PRKCA: variants seen among roughly 807,000 people sequenced by gnomAD.
PRKCA encodes the protein protein kinase C alpha type.
A neutral mutation model predicts 87.0 loss-of-function variants in PRKCA; 27 were observed. The ratio of observed to expected loss-of-function variants is 0.31; its 90% CI spans 0.23 to 0.43. The LOEUF (loss-of-function observed/expected upper bound fraction) is 0.43. Among genes scored for constraint, PRKCA ranks in the 20% least tolerant of loss-of-function variants. PRKCA has a pLI of 1.00. For synonymous variants in PRKCA, 329 were observed against 311.1 expected, an observed-to-expected ratio of 1.06 and a Z score of -0.61; for missense variants, 518 against 852.3, an observed-to-expected ratio of 0.61 and a Z score of 4.88.
chr17:66,360,886 T>A (rs867722407), intron 2 of PRKCA, among the ~76,000 whole-genome samples: 1 of 152,142 alleles, frequency 6.6e-6, no homozygotes, highest in Middle Eastern at 3.2e-3. Context: ...GGGAATGAGT[T>A]TGGAGTCGTG....
intron 3 of PRKCA, among the ~76,000 whole-genome samples, chr17:66,566,011 C>T (rs571795248): frequency 1.3e-5 from 2 of 152,220 alleles, no homozygotes; most frequent in South Asian, 4.2e-4. Context: ...CACCTGCCAG[C>T]TGTTTGTGAG....
chr17:66,777,899 C>T (rs997429846), intron 14 of PRKCA: 2 of 985,388 alleles, frequency 2.0e-6, no homozygotes, highest in East Asian at 2.3e-4. Context: ...GGCTTCTCCC[C>T]TCTCCAAGCC....
intron 3 of PRKCA, among the ~76,000 whole-genome samples, chr17:66,537,276 T>C (rs1967822280): frequency 1.3e-5 from 2 of 152,250 alleles, no homozygotes; most frequent in African/African-American, 4.8e-5. Context: ...TGAGAATTAT[T>C]TGGGGCCACA....
chr17:66,503,339 C>T (rs184302239), intron 3 of PRKCA, among the ~76,000 whole-genome samples: 39 of 152,266 alleles, frequency 2.6e-4, no homozygotes, highest in Admixed American at 2.4e-3. Context: ...GGTTATTGCT[C>T]TATCTCACCT....
rs770473254 is a variant in PRKCA at position 66,687,238 on chromosome 17, A to G, written c.657A>G (p.Leu219=). ...KQKTKTIRST[L]NPQWNESFTF... is the part of the protein sequence containing the mutation. ...AAACCAAAACCATCCGCTCCACACT[A>G]AATCCGCAGTGGAATGAGTCCTTTA... Residue 219 remains leucine (L), a synonymous_variant, in exon 6 of 17, where the codon CTA becomes CTG. Coordinates refer to ENST00000413366, the MANE Select transcript of PRKCA (RefSeq NM_002737.3). 1 of 1,614,126 alleles carries G rather than the reference A, an allele frequency of 6.2e-7. No homozygotes were observed. The highest frequency in any genetic ancestry group is 1.1e-5 in the South Asian group (1 of 91,078).
At chr17:66,593,561 G>A (rs1159270979) in intron 3 of PRKCA, among the ~76,000 whole-genome samples, 1 of 152,212 alleles carries the variant, frequency 6.6e-6, no homozygotes, top group African/African-American at 2.4e-5. Flanking sequence ...CTTGGGGGTG[G>A]AGGGAGGAGG....
Position 66,302,763 on chromosome 17 carries a change from A to C in PRKCA, c.-89A>C, listed in dbSNP as rs1904571099. On this transcript the variant is annotated 5_prime_UTR_variant, in exon 1 of 17. Transcript: ENST00000413366. ...GCGCCCCGCGCCCGGGGTCGCCCCGAGCCCGCACCTCTCCCCCGCCGCCCC... is the reference window on the plus strand; with the variant it reads ...GCGCCCCGCGCCCGGGGTCGCCCCGCGCCCGCACCTCTCCCCCGCCGCCCC... The C allele has an allele frequency of 8.3e-7, 1 of 1,198,354 alleles. No individual in the cohort carries two copies. The highest frequency in any genetic ancestry group is 1.1e-6 in the Non-Finnish European group (1 of 934,532). The allele number at this position is 1,198,354 out of a possible 1,614,324, so 74.2% of individuals were successfully genotyped here.
chr17:66,369,350 C>T lies in PRKCA; in HGVS notation c.205+63223C>T, dbSNP rs150691743. Reference sequence around the variant, plus strand: ...TTGCTGTCTGGTTCCAAAATTCCCTCCTAAAACAGCAAGGGTGGCACCTGG... The same window carrying T: ...TTGCTGTCTGGTTCCAAAATTCCCTTCTAAAACAGCAAGGGTGGCACCTGG... On this transcript the variant is annotated intron_variant, in intron 2 of 16. Coordinates refer to ENST00000413366, the MANE Select transcript of PRKCA (RefSeq NM_002737.3). Among the ~76,000 whole-genome samples the T allele has an allele frequency of 2.6e-3, 395 of 152,196 alleles. 1 individual carries two copies. Among genetic ancestry groups the T allele is most frequent in the Middle Eastern group, 6.8e-3 (2 of 294 alleles).
chr17:66,765,454 A>ATATATATATATATCTATATATATC (rs1218360664), intron 13 of PRKCA, among the ~76,000 whole-genome samples: 1 of 130,090 alleles, frequency 7.7e-6, no homozygotes, highest in African/African-American at 2.9e-5. Context: ...ATATATATAT[A>ATATATATATATATCTATATATATC]TCCATATATA....
intron 2 of PRKCA, among the ~76,000 whole-genome samples, chr17:66,322,530 C>G (rs1567771197): frequency 6.6e-6 from 1 of 151,948 alleles, no homozygotes; most frequent in African/African-American, 2.4e-5. Flanking sequence ...TGGTACAATC[C>G]TAGCTCACTG....
At chr17:66,303,738 C>T (rs1337188480) in intron 1 of PRKCA, among the ~76,000 whole-genome samples, 1 of 152,126 alleles carries the variant, frequency 6.6e-6, no homozygotes, top group Non-Finnish European at 1.5e-5. Flanking sequence ...CGCGGTGGCT[C>T]ACGCCTGTAA....
intron 2 of PRKCA, among the ~76,000 whole-genome samples, chr17:66,467,320 T>C (rs1316698994): frequency 6.6e-6 from 1 of 152,220 alleles, no homozygotes; most frequent in Non-Finnish European, 1.5e-5. Context: ...TGTAGCCAGA[T>C]GTCGTGTAGC....
intron 5 of PRKCA, among the ~76,000 whole-genome samples, chr17:66,671,473 G>A (rs1972181800): frequency 6.6e-6 from 1 of 152,144 alleles, no homozygotes; most frequent in Non-Finnish European, 1.5e-5. Context: ...GCGGAGGTTA[G>A]TTAATATGTC....
chr17:66,349,749 C>G (rs1371520795), intron 2 of PRKCA, among the ~76,000 whole-genome samples: 2 of 152,060 alleles, frequency 1.3e-5, no homozygotes, highest in Non-Finnish European at 2.9e-5. Context: ...TGGCCTGGCT[C>G]CCAAAAACTG....
intron 3 of PRKCA, among the ~76,000 whole-genome samples, chr17:66,544,903 T>A (rs1294383296): frequency 6.6e-6 from 1 of 151,770 alleles, no homozygotes; most frequent in Non-Finnish European, 1.5e-5. Flanking sequence ...ACCAATATCA[T>A]TTTTTAAAAG....
intron 3 of PRKCA, among the ~76,000 whole-genome samples, chr17:66,559,431 C>T (rs943859547): frequency 1.2e-4 from 17 of 144,332 alleles, no homozygotes; most frequent in African/African-American, 3.8e-4. Context: ...GCCAAGATCA[C>T]GCCACTGCAC....
At chr17:66,381,108 T>G (rs1909753993) in intron 2 of PRKCA, among the ~76,000 whole-genome samples, 1 of 151,576 alleles carries the variant, frequency 6.6e-6, no homozygotes, top group African/African-American at 2.4e-5. Flanking sequence ...CCCAGCTAAG[T>G]TTTATATTTT....
intron 2 of PRKCA, among the ~76,000 whole-genome samples, chr17:66,332,320 T>C (rs1338277299): frequency 6.7e-6 from 1 of 149,796 alleles, no homozygotes; most frequent in African/African-American, 2.5e-5. Context: ...CTCTGCCTCC[T>C]GGGTTCCAGT....
intron 3 of PRKCA, among the ~76,000 whole-genome samples, chr17:66,635,304 G>A (rs1462998581): frequency 1.3e-5 from 2 of 152,172 alleles, no homozygotes; most frequent in Non-Finnish European, 2.9e-5. Flanking sequence ...CTACTCTTGG[G>A]CCAGTGGGGG....
Sources: gnomAD v4.1 joint callset for allele counts (sites outside exome capture counted in the v4.1 genomes callset) on GRCh38, gnomAD v4.1.1 for gene constraint, MANE v1.5 for transcripts, NCBI Gene and HGNC (gene_info 2026-07-23, HGNC 2026-07-21) for gene names.